IL1RAPL1: variants seen among roughly 807,000 people sequenced by gnomAD.
IL1RAPL1 encodes interleukin 1 receptor accessory protein like 1.
In IL1RAPL1, 3 loss-of-function variants were observed where a neutral mutation model predicts 48.4. That is an observed-to-expected ratio of 0.06 (90% CI 0.03 to 0.16). The LOEUF is 0.16. Among genes scored for constraint, IL1RAPL1 ranks in the 10% least tolerant of loss-of-function variants. The pLI is 1.00. For synonymous variants in IL1RAPL1, 185 were observed against 187.7 expected, an observed-to-expected ratio of 0.99 and a Z score of 0.12; for missense variants, 349 against 530.6, an observed-to-expected ratio of 0.66 and a Z score of 3.36.
intron 2 of IL1RAPL1, among the ~76,000 whole-genome samples, chrX:29,182,951 A>G (rs1930176116): frequency 9.0e-6 from 1 of 111,269 alleles, no homozygotes; most frequent in Non-Finnish European, 1.9e-5. Context: ...GGACCATGAG[A>G]CAAGGAATAT....
At chrX:29,881,422 A>T (rs1293291261) in intron 6 of IL1RAPL1, among the ~76,000 whole-genome samples, 1 of 111,531 alleles carries the variant, frequency 9.0e-6, no homozygotes, top group Non-Finnish European at 1.9e-5. Context: ...GAAGAAAATA[A>T]GGAAACTGAT....
intron 2 of IL1RAPL1, among the ~76,000 whole-genome samples, chrX:28,833,480 A>G (rs1921123605): frequency 1.8e-5 from 2 of 111,736 alleles, no homozygotes; most frequent in Non-Finnish European, 3.8e-5. Context: ...AACCTTGCCA[A>G]CATGTGTTCT....
At chrX:28,716,822 C>A (rs1935509190) in intron 1 of IL1RAPL1, among the ~76,000 whole-genome samples, 1 of 111,501 alleles carries the variant, frequency 9.0e-6, no homozygotes, top group African/African-American at 3.3e-5. Context: ...GAAAAAAACA[C>A]CACCCCATTA....
chrX:28,959,894 C>G (rs1413827160), intron 2 of IL1RAPL1, among the ~76,000 whole-genome samples: 1 of 111,968 alleles, frequency 8.9e-6, no homozygotes, highest in Non-Finnish European at 1.9e-5. Flanking sequence ...TTTAATTTCA[C>G]TCTACATTTA....
At chrX:29,802,202 A>G (rs1929927377) in intron 6 of IL1RAPL1, among the ~76,000 whole-genome samples, 1 of 112,048 alleles carries the variant, frequency 8.9e-6, no homozygotes. Context: ...TTCGGTAGCT[A>G]GCCTCTAGTA....
rs767244738 is a variant in IL1RAPL1, at chrX:29,334,571, CAGGCAGA to C, written c.362+51355_362+51361del. Among the ~76,000 whole-genome samples, 8 of 106,530 alleles carry C rather than the reference CAGGCAGA, an allele frequency of 7.5e-5. No homozygotes were observed. In the East Asian group the frequency reaches 2.4e-3, roughly 32 times the overall value. 92.5% of individuals were successfully genotyped at this position (106,530 alleles called of 115,157 possible). ...CTCACTTCTCAGACGGGGCGGTTGC[CAGGCAGA>C]GGGTTTCCTCACTTCTCAGACGGGG... On this transcript the variant is annotated intron_variant, in intron 3 of 10. Coordinates refer to ENST00000378993, the MANE Select transcript of IL1RAPL1 (RefSeq NM_014271.4).
intron 1 of IL1RAPL1, among the ~76,000 whole-genome samples, chrX:28,641,973 C>T (rs1214493255): frequency 9.0e-6 from 1 of 111,278 alleles, no homozygotes; most frequent in Admixed American, 9.6e-5. Flanking sequence ...GAATATTTAC[C>T]AAGCAAATGG....
intron 5 of IL1RAPL1, among the ~76,000 whole-genome samples, chrX:29,651,214 G>T (rs747518012): frequency 4.6e-4 from 51 of 110,783 alleles, no homozygotes; most frequent in African/African-American, 1.6e-3. Context: ...ACAGTATGGA[G>T]GTTCTTAAAC....
intron 6 of IL1RAPL1, among the ~76,000 whole-genome samples, chrX:29,669,838 C>T (rs1926097660): frequency 9.0e-6 from 1 of 111,686 alleles, no homozygotes. Flanking sequence ...TTATCATGCA[C>T]TTTATGCATG....
rs1467088421 is a variant in IL1RAPL1, at chrX:28,911,515, T to C, written c.82+122090T>C. 2.7e-5 allele frequency among the ~76,000 whole-genome samples: 3 copies of C among 111,271 alleles called. No individual in the cohort carries two copies. The South Asian group carries it at 1.1e-3, about 42-fold the overall frequency. ...ACTCCCACAACTCCTCTTTAAATTT[T>C]AGTTCAAATATCACTTCCTCAGGAA... On this transcript the variant is annotated intron_variant, in intron 2 of 10. Transcript: ENST00000378993.
At chrX:29,901,963 C>T (rs1019313073) in intron 6 of IL1RAPL1, among the ~76,000 whole-genome samples, 2 of 111,996 alleles carry the variant, frequency 1.8e-5, no homozygotes, top group East Asian at 2.8e-4. Flanking sequence ...GAAAAACTTT[C>T]GAAATGAGTA....
chrX:29,782,505 C>G (rs1465853540), intron 6 of IL1RAPL1, among the ~76,000 whole-genome samples: 1 of 110,418 alleles, frequency 9.1e-6, no homozygotes, highest in African/African-American at 3.3e-5. Context: ...TGACGTGTTC[C>G]CTAGTTCTCT....
At chrX:29,702,404 A>G (rs1200611148) in intron 6 of IL1RAPL1, among the ~76,000 whole-genome samples, 2 of 111,605 alleles carry the variant, frequency 1.8e-5, no homozygotes, top group African/African-American at 6.5e-5. Context: ...ACAAACCCAC[A>G]GAAGTACCCA....
chrX:29,202,540 C>T (rs941367004), intron 2 of IL1RAPL1, among the ~76,000 whole-genome samples: 1 of 111,883 alleles, frequency 8.9e-6, no homozygotes, highest in South Asian at 3.7e-4. Flanking sequence ...ATCATTCTAT[C>T]ATAAAGAAAC....
chrX:29,588,003 G>C (rs1456662818), intron 5 of IL1RAPL1, among the ~76,000 whole-genome samples: 4 of 112,532 alleles, frequency 3.6e-5, no homozygotes, highest in African/African-American at 1.3e-4. Context: ...CATAAGCACA[G>C]ATATATCCCC....
intron 2 of IL1RAPL1, among the ~76,000 whole-genome samples, chrX:28,836,373 A>ATATATATATATAT (rs1569183041): frequency 3.1e-4 from 29 of 94,002 alleles, no homozygotes; most frequent in African/African-American, 1.4e-3. Context: ...TGACAGAGAG[A>ATATATATATATAT]GAGAGAGAGA....
chrX:28,645,446 T>TCA (rs765434920), intron 1 of IL1RAPL1, among the ~76,000 whole-genome samples: 1 of 107,071 alleles, frequency 9.3e-6, no homozygotes, highest in East Asian at 2.9e-4. Context: ...AATCTAGATG[T>TCA]CATAGAGGGA....
Position 28,774,927 on chromosome X carries a change from C to T in IL1RAPL1, c.-24-14393C>T, listed in dbSNP as rs535977129. ...CTTTGATTTCTCTTTTACTCACTAACCATACCCGATGTATTAGTAACTCAT... is the reference window on the plus strand; with the variant it reads ...CTTTGATTTCTCTTTTACTCACTAATCATACCCGATGTATTAGTAACTCAT... On this transcript the variant is annotated intron_variant, in intron 1 of 10. Coordinates refer to ENST00000378993, the MANE Select transcript of IL1RAPL1 (RefSeq NM_014271.4). Among the ~76,000 whole-genome samples the T allele has an allele frequency of 5.0e-4, 56 of 111,564 alleles. No homozygotes were observed. In the South Asian group the frequency reaches 0.021, roughly 42 times the overall value.
At chrX:29,004,925 T>C (rs1033606668) in intron 2 of IL1RAPL1, among the ~76,000 whole-genome samples, 1 of 111,933 alleles carries the variant, frequency 8.9e-6, no homozygotes, top group Non-Finnish European at 1.9e-5. Context: ...GTACAGACAG[T>C]CTTGTTAATC....
Sources: gnomAD v4.1 joint callset for allele counts (sites outside exome capture counted in the v4.1 genomes callset) on GRCh38, gnomAD v4.1.1 for gene constraint, MANE v1.5 for transcripts, NCBI Gene and HGNC (gene_info 2026-07-23, HGNC 2026-07-21) for gene names.